CSMD2: variants seen among roughly 807,000 people sequenced by gnomAD.
The protein encoded by CSMD2 is CUB and Sushi multiple domains 2.
A neutral mutation model predicts 398.5 loss-of-function variants in CSMD2; 130 were observed. The ratio of observed to expected loss-of-function variants is 0.33; its 90% CI spans 0.28 to 0.38. CSMD2 has a LOEUF of 0.38. Among genes scored for constraint, CSMD2 ranks in the 10% least tolerant of loss-of-function variants. CSMD2 has a pLI of 1.00. For synonymous variants in CSMD2, 1,828 were observed against 1,908.5 expected (o/e 0.96, Z 1.10); for missense variants, 3,829 against 4,764.9 (o/e 0.80, Z 5.78).
At chr1:34,035,263 A>G (rs4652985) in intron 2 of CSMD2, among the ~76,000 whole-genome samples, 15,449 of 152,204 alleles carry the variant, frequency 0.1, 880 homozygotes, top group East Asian at 0.2. Flanking sequence ...AGATGATTTC[A>G]CTAGAGAATT....
intron 3 of CSMD2, among the ~76,000 whole-genome samples, chr1:33,946,486 C>T (rs905439813): frequency 6.6e-6 from 1 of 152,154 alleles, no homozygotes; most frequent in African/African-American, 2.4e-5. Context: ...TCTTCTATGA[C>T]CCATTGGCTA....
At chr1:34,092,393 C>T (rs1355696627) in intron 1 of CSMD2, among the ~76,000 whole-genome samples, 3 of 152,038 alleles carry the variant, frequency 2.0e-5, no homozygotes, top group South Asian at 2.1e-4. Context: ...AATAGATTGT[C>T]GGGGGGAGGA....
At chr1:33,647,508 T>C (rs1454471430) in intron 28 of CSMD2, among the ~76,000 whole-genome samples, 1 of 152,210 alleles carries the variant, frequency 6.6e-6, no homozygotes, top group Non-Finnish European at 1.5e-5. Context: ...GTGAAAATGA[T>C]GGAAAATGCA....
In CSMD2 at chr1:33,708,591, C is replaced by CTTATTATTATTATTATTATTATTATTA. The variant is rs59695412; in HGVS notation, c.3576+497_3576+498insTAATAATAATAATAATAATAATAATAA. ...GGATCCATTGGCTGCTCCAACCGAA[C>CTTATTATTATTATTATTATTATTATTA]TTATTATTATTATTATTATTATTAT... On this transcript the variant is annotated intron_variant, in intron 22 of 70. Coordinates refer to ENST00000373381, the MANE Select transcript of CSMD2 (RefSeq NM_001281956.2). 2.6e-3 allele frequency among the ~76,000 whole-genome samples: 366 copies of CTTATTATTATTATTATTATTATTATTA among 141,072 alleles called. 4 individuals carry two copies. Among genetic ancestry groups the CTTATTATTATTATTATTATTATTATTA allele is most frequent in the Middle Eastern group, 3.6e-3 (1 of 274 alleles). 92.5% of individuals were successfully genotyped at this position (141,072 alleles called of 152,430 possible).
intron 2 of CSMD2, among the ~76,000 whole-genome samples, chr1:34,043,027 G>A (rs1166493517): frequency 6.6e-6 from 1 of 152,068 alleles, no homozygotes; most frequent in Non-Finnish European, 1.5e-5. Context: ...CTGAACTCGT[G>A]ATCTGCCCGC....
intron 13 of CSMD2, among the ~76,000 whole-genome samples, chr1:33,764,668 C>T (rs1177423030): frequency 3.3e-5 from 5 of 152,228 alleles, no homozygotes; most frequent in Admixed American, 3.3e-4. Flanking sequence ...CGGTCCCTGG[C>T]CTAATCACAA....
intron 53 of CSMD2, among the ~76,000 whole-genome samples, chr1:33,565,398 C>T (rs553359152): frequency 7.2e-5 from 11 of 151,870 alleles, no homozygotes; most frequent in Non-Finnish European, 1.2e-4. Flanking sequence ...AAGAAAAACA[C>T]GCAAACAAAC....
chr1:33,922,336 G>A (rs1330191316), intron 4 of CSMD2, among the ~76,000 whole-genome samples: 2 of 152,136 alleles, frequency 1.3e-5, no homozygotes, highest in East Asian at 3.9e-4. Context: ...CAGGTGGAAA[G>A]TAAGCAGGGG....
chr1:33,788,306 G>A (rs563276034), intron 12 of CSMD2, among the ~76,000 whole-genome samples: 2 of 152,084 alleles, frequency 1.3e-5, no homozygotes, highest in South Asian at 2.1e-4. Context: ...TCAGGAGTTC[G>A]AGATCAGCTT....
chr1:34,110,087 T>TA (rs1186553604), intron 1 of CSMD2, among the ~76,000 whole-genome samples: 1 of 113,480 alleles, frequency 8.8e-6, no homozygotes, highest in Non-Finnish European at 2.0e-5. Context: ...AACAAGCATA[T>TA]AAAAAAAGCT....
intron 25 of CSMD2, among the ~76,000 whole-genome samples, chr1:33,688,832 G>C (rs1645140344): frequency 6.6e-6 from 1 of 152,086 alleles, no homozygotes; most frequent in Non-Finnish European, 1.5e-5. Flanking sequence ...CCAAAAAAAA[G>C]AGTACCTAAT....
intron 10 of CSMD2, among the ~76,000 whole-genome samples, chr1:33,796,499 A>T (rs1402621245): frequency 6.6e-6 from 1 of 152,226 alleles, no homozygotes; most frequent in Non-Finnish European, 1.5e-5. Context: ...CAGTTCCCAA[A>T]ATTAATACTT....
At chr1:33,617,445 C>T (rs1393187057) in intron 38 of CSMD2, 54 bp downstream of exon 38, 126 of 1,407,066 alleles carry the variant, frequency 9.0e-5, no homozygotes, top group Non-Finnish European at 1.6e-5. Context: ...TAAGGCTGGC[C>T]AACCACATCT....
Position 33,600,948 on chromosome 1 carries a change from GT to G in CSMD2, c.6772del (p.Thr2258GlnfsTer25). On this transcript the variant is annotated frameshift_variant, in exon 44 of 71. Coordinates refer to ENST00000373381, the MANE Select transcript of CSMD2 (RefSeq NM_001281956.2). LOFTEE classifies it high-confidence loss of function. ...GVFTRSMAKK[T>X]VQSSSNQVLL... ...GACCTGGTTGGATGAACTCTGCACT[GT>G]TTTCTTGGCCATGCTCCGGGTGAAG... The G allele has an allele frequency of 6.2e-7, 1 of 1,614,134 alleles. No individual in the cohort carries two copies. The highest frequency in any genetic ancestry group is 8.5e-7 in the Non-Finnish European group (1 of 1,180,022).
At chr1:33,850,394 A>G (rs1335932864) in intron 5 of CSMD2, among the ~76,000 whole-genome samples, 1 of 152,226 alleles carries the variant, frequency 6.6e-6, no homozygotes, top group African/African-American at 2.4e-5. Context: ...TCATGGTCAC[A>G]CAGCTATTAA....
At chr1:33,893,295 A>C (rs1380241674) in intron 5 of CSMD2, among the ~76,000 whole-genome samples, 1 of 152,128 alleles carries the variant, frequency 6.6e-6, no homozygotes, top group Non-Finnish European at 1.5e-5. Context: ...TATTCTATCT[A>C]TTTTGCAGCT....
chr1:33,537,243 G>T lies in CSMD2; in HGVS notation c.9806-148C>A. 9.0e-7 allele frequency: 1 copy of T among 1,114,826 alleles called. No individual in the cohort carries two copies. Among genetic ancestry groups the T allele is most frequent in the Non-Finnish European group, 1.3e-6 (1 of 756,530 alleles). The allele number at this position is 1,114,826 out of a possible 1,614,324, so 69.1% of individuals were successfully genotyped here. On this transcript the variant is annotated intron_variant, in intron 61 of 70. Coordinates refer to ENST00000373381, the MANE Select transcript of CSMD2 (RefSeq NM_001281956.2). The surrounding 1 kb of genome is among the most constrained non-coding windows in gnomAD (Gnocchi z 4.6). ...GATCCCCACCTGAGCCTTGGCCCTG[G>T]CTGTCTATTTGACTCCTCGAAGCAC...
chr1:33,549,630 G>A (rs1273232610), intron 56 of CSMD2, among the ~76,000 whole-genome samples: 12 of 152,198 alleles, frequency 7.9e-5, no homozygotes, highest in Non-Finnish European at 7.3e-5. Context: ...GGGGACTGGC[G>A]TTTCAAGGCA....
At chr1:33,928,046 C>T (rs1193435543) in intron 4 of CSMD2, among the ~76,000 whole-genome samples, 1 of 152,180 alleles carries the variant, frequency 6.6e-6, no homozygotes, top group Non-Finnish European at 1.5e-5. Context: ...GATGCCTGCA[C>T]CTGCAGGCCA....
Sources: allele counts gnomAD v4.1 joint callset (sites outside exome capture counted in the v4.1 genomes callset), GRCh38; gene constraint gnomAD v4.1.1; non-coding constraint Gnocchi (gnomAD v3.1); transcripts MANE v1.5; gene names NCBI Gene and HGNC (gene_info 2026-07-23, HGNC 2026-07-21).